The following ZDHHC7 variants were observed in gnomAD, a reference collection of about 807,000 sequenced individuals.
ZDHHC7 encodes palmitoyltransferase ZDHHC7.
A neutral mutation model predicts 34.1 loss-of-function variants in ZDHHC7; 12 were observed. The ratio of observed to expected loss-of-function variants is 0.35; its 90% CI spans 0.23 to 0.57. ZDHHC7 has a LOEUF of 0.57. ZDHHC7 is among the 20% of genes least tolerant of loss of function. The pLI, the probability that ZDHHC7 is intolerant of heterozygous loss-of-function variation, is 0.84. For missense variants in ZDHHC7, 388 were observed against 402.7 expected, an observed-to-expected ratio of 0.96 and a Z score of 0.31; for synonymous variants, 185 against 155.4, an observed-to-expected ratio of 1.19 and a Z score of -1.42.
intron 1 of ZDHHC7, among the ~76,000 whole-genome samples, chr16:85,001,462 C>G (rs976157541): frequency 5.3e-5 from 2 of 37,946 alleles, no homozygotes; most frequent in African/African-American, 3.0e-4. Flanking sequence ...GAGAGCAAGA[C>G]CCTGTCTCAA....
chr16:85,004,107 C>G (rs150567347), intron 1 of ZDHHC7, among the ~76,000 whole-genome samples: 41 of 152,202 alleles, frequency 2.7e-4, no homozygotes, highest in African/African-American at 9.2e-4. Context: ...CACTTAACAA[C>G]TCCAGGGCAG....
chr16:85,014,739 C>T (rs759898131), upstream of ZDHHC7, among the ~76,000 whole-genome samples: 2 of 152,152 alleles, frequency 1.3e-5, no homozygotes, highest in African/African-American at 2.4e-5. Flanking sequence ...TTATTCTGAT[C>T]CACATATGAG....
chr16:84,989,204 C>T (rs2072476412), intron 3 of ZDHHC7, among the ~76,000 whole-genome samples: 1 of 152,186 alleles, frequency 6.6e-6, no homozygotes, highest in Non-Finnish European at 1.5e-5. Flanking sequence ...CCCAAGGTAC[C>T]ACTCCCCAGC....
At chr16:85,017,202 T>C in the ZDHHC7 span, among the ~76,000 whole-genome samples, 648 of 152,250 alleles carry the variant, frequency 4.3e-3, 6 homozygotes, top group African/African-American at 0.015. Context: ...GACAACCCAA[T>C]AGAATAATTG....
At chr16:85,025,184 A>G in the ZDHHC7 span, among the ~76,000 whole-genome samples, 87,202 of 151,680 alleles carry the variant, frequency 0.57, 27,715 homozygotes, top group African/African-American at 0.85. Flanking sequence ...AGGCTAAGGC[A>G]AGAGAATCGC....
chr16:84,981,723 C>T, intron 4 of ZDHHC7, 147 bp downstream of exon 4: 1 of 1,482,744 alleles, frequency 6.7e-7, no homozygotes, highest in Non-Finnish European at 9.1e-7. Flanking sequence ...CCAGAAAGAA[C>T]ATGACACCTA....
chr16:85,017,376 G>A, the ZDHHC7 span, among the ~76,000 whole-genome samples: 2 of 152,096 alleles, frequency 1.3e-5, no homozygotes, highest in Non-Finnish European at 2.9e-5. Flanking sequence ...GGCCAAACGC[G>A]GAACAACCGA....
Position 84,987,255 on chromosome 16 carries a change from T to C in ZDHHC7, c.315+3049A>G, listed in dbSNP as rs116792365. Among the ~76,000 whole-genome samples, 687 of 152,342 alleles carry C rather than the reference T, an allele frequency of 4.5e-3. 5 individuals are homozygous for C. Among genetic ancestry groups the C allele is most frequent in the African/African-American group, 0.016 (663 of 41,580 alleles). Reference sequence around the variant, plus strand: ...TGTCACCAGAGGACTCAAGCAGACATGCTTCCAAAGAAGACACACAAATGG... The same window carrying C: ...TGTCACCAGAGGACTCAAGCAGACACGCTTCCAAAGAAGACACACAAATGG... On this transcript the variant is annotated intron_variant, in intron 3 of 7. Coordinates refer to ENST00000313732, the MANE Select transcript of ZDHHC7 (RefSeq NM_017740.3).
intron 2 of ZDHHC7, 140 bp downstream of exon 2, chr16:84,995,782 G>A (rs2072569393): frequency 6.6e-6 from 1 of 152,244 alleles, no homozygotes; most frequent in Admixed American, 6.5e-5. Context: ...GGCAGCGGGT[G>A]AAAAGGAAGG....
chr16:85,018,874 G>C, the ZDHHC7 span, among the ~76,000 whole-genome samples: 1 of 152,170 alleles, frequency 6.6e-6, no homozygotes, highest in Non-Finnish European at 1.5e-5. Context: ...CACCGAGTTT[G>C]TGGTGTTGAG....
intron 1 of ZDHHC7, among the ~76,000 whole-genome samples, chr16:84,996,888 G>C (rs1295919650): frequency 6.6e-6 from 1 of 152,140 alleles, no homozygotes; most frequent in Non-Finnish European, 1.5e-5. Flanking sequence ...TTAGCTGGAC[G>C]TGGTGGTGGG....
At chr16:85,019,399 G>T in the ZDHHC7 span, among the ~76,000 whole-genome samples, 12,365 of 152,160 alleles carry the variant, frequency 0.081, 854 homozygotes, top group African/African-American at 0.17. Context: ...CTGGGCAACA[G>T]AGTGAGACCC....
intron 2 of ZDHHC7, among the ~76,000 whole-genome samples, chr16:84,992,292 AC>A (rs1276509299): frequency 1.3e-5 from 2 of 148,898 alleles, no homozygotes; most frequent in South Asian, 4.3e-4. Context: ...AGCTGGTGAA[AC>A]CCGTCTCTAC....
In ZDHHC7 at chr16:84,990,215, T is replaced by C. The variant is rs2072490076; in HGVS notation, c.315+89A>G. 2.1e-6 allele frequency: 3 copies of C among 1,444,904 alleles called. No homozygotes were observed. In the Admixed American group the frequency reaches 5.9e-5, roughly 28 times the overall value. The allele number at this position is 1,444,904 out of a possible 1,614,324, so 89.5% of individuals were successfully genotyped here. A position where few individuals can be genotyped will look rare whatever the true frequency, so the allele number is the denominator to read the frequency against. ...TTCCACACCCATGTCAATATGTCCC[T>C]GTGCACTGCTTCCTCCAAAGGGTCA... On this transcript the variant is annotated intron_variant, in intron 3 of 7. Coordinates refer to ENST00000313732, the MANE Select transcript of ZDHHC7 (RefSeq NM_017740.3).
At chr16:84,993,056 G>A (rs1328721125) in intron 2 of ZDHHC7, among the ~76,000 whole-genome samples, 2 of 152,106 alleles carry the variant, frequency 1.3e-5, no homozygotes, top group Non-Finnish European at 2.9e-5. Context: ...TTTAAGGCTG[G>A]GTGCAGTGGC....
chr16:84,994,920 G>A (rs148416066), intron 2 of ZDHHC7, among the ~76,000 whole-genome samples: 1 of 152,222 alleles, frequency 6.6e-6, no homozygotes, highest in Non-Finnish European at 1.5e-5. Context: ...GTGTCTCTGA[G>A]TCACTGTATT....
the ZDHHC7 span, among the ~76,000 whole-genome samples, chr16:85,024,043 A>C: frequency 0.013 from 1,989 of 149,724 alleles, 44 homozygotes; most frequent in African/African-American, 0.046. Flanking sequence ...TCAGATTCCC[A>C]AGTAGCTGAG....
At chr16:84,985,599 T>A (rs2072426034) in intron 3 of ZDHHC7, among the ~76,000 whole-genome samples, 1 of 152,152 alleles carries the variant, frequency 6.6e-6, no homozygotes, top group Admixed American at 6.5e-5. Context: ...CAGAGACACA[T>A]AAACCAATCA....
chr16:84,989,545 A>G (rs1005128158), intron 3 of ZDHHC7, among the ~76,000 whole-genome samples: 2 of 151,994 alleles, frequency 1.3e-5, no homozygotes, highest in Non-Finnish European at 2.9e-5. Flanking sequence ...AATATACAAA[A>G]TTAGCCAGGC....
Sources: allele counts gnomAD v4.1 joint callset (sites outside exome capture counted in the v4.1 genomes callset), GRCh38; gene constraint gnomAD v4.1.1; transcripts MANE v1.5; gene names NCBI Gene and HGNC (gene_info 2026-07-23, HGNC 2026-07-21).